GREM1: variants seen among roughly 807,000 people sequenced by gnomAD.
GREM1 encodes the protein gremlin 1, DAN family BMP antagonist.
GREM1 carries 6 observed loss-of-function variants against 13.1 expected under a neutral mutation model. The ratio of observed to expected loss-of-function variants is 0.46; its 90% CI spans 0.25 to 0.91. The LOEUF is 0.91. Ranked by LOEUF, GREM1 falls within the 40% of genes least tolerant of loss-of-function variation. The probability of loss-of-function intolerance (pLI) is 0.18; values close to 1 mark genes in which losing one functional copy is unlikely to be tolerated. For synonymous variants in GREM1, 98 were observed against 93.7 expected, an observed-to-expected ratio of 1.05 and a Z score of -0.27; for missense variants, 185 against 233.9, an observed-to-expected ratio of 0.79 and a Z score of 1.36.
At chr15:32,726,541 C>T (rs145698217) in intron 1 of GREM1, among the ~76,000 whole-genome samples, 150 of 152,150 alleles carry the variant, frequency 9.9e-4, no homozygotes, top group African/African-American at 3.4e-3. Context: ...CAGGAGAAAG[C>T]GGGACAGATC....
In GREM1 at chr15:32,734,953, G is replaced by A. The variant is rs1273819614; in HGVS notation, c.*3708G>A. The A allele has an allele frequency of 1.3e-5, 2 of 157,684 alleles. No homozygotes were observed. The highest frequency in any genetic ancestry group is 2.8e-5 in the Non-Finnish European group (2 of 71,280). 9.8% of individuals were successfully genotyped at this position (157,684 alleles called of 1,614,324 possible). A position where few individuals can be genotyped will look rare whatever the true frequency, so the allele number is the denominator to read the frequency against. On this transcript the variant is annotated 3_prime_UTR_variant, in exon 2 of 2. Coordinates refer to ENST00000651154, the MANE Select transcript of GREM1 (RefSeq NM_013372.7). Reference sequence around the variant, plus strand: ...TTATAAGGGAGGCCCTGAGATGGAAGGACCATCACACAGAAATGATAATAT... The same window carrying A: ...TTATAAGGGAGGCCCTGAGATGGAAAGACCATCACACAGAAATGATAATAT...
At position 32,744,216 on chromosome 15, in the gene GREM1, A is replaced by G. The variant is rs1471698586; in HGVS notation, c.*12971A>G. ...AAATTCCATTTTTGGCTTAGCTTCT[A>G]TTGGGTTTCTATCACTTGCAACCAA... is the stretch of plus-strand genomic sequence containing the variant. On this transcript the variant is annotated 3_prime_UTR_variant, in exon 2 of 2. Coordinates refer to ENST00000651154, the MANE Select transcript of GREM1 (RefSeq NM_013372.7). 1 of 151,884 alleles carries G rather than the reference A, an allele frequency of 6.6e-6. No individual in the cohort carries two copies. Among genetic ancestry groups the G allele is most frequent in the Non-Finnish European group, 1.5e-5 (1 of 67,988 alleles). The allele number at this position is 151,884 out of a possible 1,614,324, so 9.4% of individuals were successfully genotyped here.
At position 32,736,310 on chromosome 15, in the gene GREM1, TAAAA is replaced by T. The variant is rs1240632393; in HGVS notation, c.*5067_*5070del. The T allele has an allele frequency of 3.3e-5, 5 of 152,074 alleles. No individual in the cohort carries two copies. In the East Asian group the frequency reaches 9.6e-4, roughly 29 times the overall value. The allele number at this position is 152,074 out of a possible 1,614,324, so 9.4% of individuals were successfully genotyped here. The stretch of plus-strand genomic sequence containing the variant: ...CAGTTGGGGAAAGCAATTGGCTAAA[TAAAA>T]AGCCTAAAAGGAGAAGCTGGAAAAA... On this transcript the variant is annotated 3_prime_UTR_variant, in exon 2 of 2. Transcript: ENST00000651154.
Position 32,734,575 on chromosome 15 carries a change from A to G in GREM1, c.*3330A>G. 4.0e-6 allele frequency: 1 copy of G among 247,052 alleles called. No homozygotes were observed. Among genetic ancestry groups the G allele is most frequent in the Admixed American group, 5.6e-5 (1 of 17,784 alleles). 15.3% of individuals were successfully genotyped at this position (247,052 alleles called of 1,614,324 possible). On this transcript the variant is annotated 3_prime_UTR_variant, in exon 2 of 2. Transcript: ENST00000651154. ...TAAAACTAATTTGGCTTCAAGTTTC[A>G]TGAATCTGTAACTAGAATTTAATTT... is the stretch of plus-strand genomic sequence containing the variant.
Position 32,718,013 on chromosome 15 carries a change from G to T in GREM1, c.-150G>T, listed in dbSNP as rs1450066102. 6.2e-5 allele frequency: 67 copies of T among 1,077,702 alleles called. No homozygotes were observed. Among genetic ancestry groups the T allele is most frequent in the Non-Finnish European group, 7.5e-5 (67 of 887,812 alleles). The allele number at this position is 1,077,702 out of a possible 1,614,324, so 66.8% of individuals were successfully genotyped here. A position where few individuals can be genotyped will look rare whatever the true frequency, so the allele number is the denominator to read the frequency against. ...CGGCGCGATGCCTGGCACTCGGTGC[G>T]CCTTCCGCGGACCGGGCGACCCAGT... On this transcript the variant is annotated 5_prime_UTR_variant, in exon 1 of 2. Transcript: ENST00000651154.
chr15:32,728,153 A>T (rs1370261437), intron 1 of GREM1, among the ~76,000 whole-genome samples: 1 of 152,214 alleles, frequency 6.6e-6, no homozygotes. Flanking sequence ...TTTCATATGG[A>T]ACTGAAAAAA....
At position 32,743,327 on chromosome 15, in the gene GREM1, A is replaced by G. The variant is rs1007126796; in HGVS notation, c.*12082A>G. ...CTTTCCCAGGTATATGGATGAAACT[A>G]TCTGAAGGATGAAGCCTCCATTCAC... is the stretch of plus-strand genomic sequence containing the variant. On this transcript the variant is annotated 3_prime_UTR_variant, in exon 2 of 2. Coordinates refer to ENST00000651154, the MANE Select transcript of GREM1 (RefSeq NM_013372.7). 1.3e-5 allele frequency: 2 copies of G among 152,226 alleles called. No homozygotes were observed. The highest frequency in any genetic ancestry group is 4.8e-5 in the African/African-American group (2 of 41,458). 9.4% of individuals were successfully genotyped at this position (152,226 alleles called of 1,614,324 possible). A position where few individuals can be genotyped will look rare whatever the true frequency, so the allele number is the denominator to read the frequency against.
chr15:32,738,083 CAAAAAAAAAAAAAAAAAAAAAAAA>C lies in GREM1; in HGVS notation c.*6865_*6888del, dbSNP rs67118209. The C allele has an allele frequency of 5.3e-5, 1 of 18,910 alleles. No individual in the cohort carries two copies. The highest frequency in any genetic ancestry group is 6.8e-3 in the South Asian group (1 of 148). 1.2% of individuals were successfully genotyped at this position (18,910 alleles called of 1,614,324 possible). A position where few individuals can be genotyped will look rare whatever the true frequency, so the allele number is the denominator to read the frequency against. ...GGAGGTTCTACCTAGGGTAATTAGG[CAAAAAAAAAAAAAAAAAAAAAAAA>C]AAAAAAAAAAAAAAAAAAAAAAAAA... On this transcript the variant is annotated 3_prime_UTR_variant, in exon 2 of 2. Coordinates refer to ENST00000651154, the MANE Select transcript of GREM1 (RefSeq NM_013372.7).
rs1022754888 is a variant in GREM1, at chr15:32,742,429, T to G, written c.*11184T>G. On this transcript the variant is annotated 3_prime_UTR_variant, in exon 2 of 2. Transcript: ENST00000651154. ...TATTCATGGGTTGTAAGACTTAATA[T>G]TCTTAAAATGCCCATATTACCCAAA... The G allele has an allele frequency of 1.3e-5, 2 of 152,216 alleles. No individual in the cohort carries two copies. Among genetic ancestry groups the G allele is most frequent in the African/African-American group, 4.8e-5 (2 of 41,462 alleles). 9.4% of individuals were successfully genotyped at this position (152,216 alleles called of 1,614,324 possible). A position where few individuals can be genotyped will look rare whatever the true frequency, so the allele number is the denominator to read the frequency against.
At chr15:32,718,661 C>G (rs1413320158) in intron 1 of GREM1, 2 of 361,404 alleles carry the variant, frequency 5.5e-6, no homozygotes, top group Non-Finnish European at 1.1e-5. Context: ...CGGGTTGGAG[C>G]ATCCGGAGAA....
rs536861316 is a variant in GREM1, at chr15:32,740,912, A to C, written c.*9667A>C. The C allele has an allele frequency of 1.1e-4, 16 of 152,206 alleles. No individual in the cohort carries two copies. The highest frequency in any genetic ancestry group is 2.2e-4 in the Non-Finnish European group (15 of 68,036). The allele number at this position is 152,206 out of a possible 1,614,324, so 9.4% of individuals were successfully genotyped here. On this transcript the variant is annotated 3_prime_UTR_variant, in exon 2 of 2. Transcript: ENST00000651154. The stretch of plus-strand genomic sequence containing the variant: ...AAATCAATCATGGTGGCCAAACGGA[A>C]TGAGCATTCTGATTTGCCAGTGTGG...
At chr15:32,723,878 A>G (rs955944449) in intron 1 of GREM1, among the ~76,000 whole-genome samples, 3 of 152,256 alleles carry the variant, frequency 2.0e-5, no homozygotes, top group African/African-American at 7.2e-5. Flanking sequence ...CAAGAAAAAG[A>G]AAGACAAGTC....
rs1309287737 is a variant in GREM1, at chr15:32,736,050, C to CAATT, written c.*4807_*4810dup. On this transcript the variant is annotated 3_prime_UTR_variant, in exon 2 of 2. Transcript: ENST00000651154. ...CAATAGCTTTGAAACCAACAGCCTGCAATTACCATGAAAATCAGCAGTCTG... is the reference window on the plus strand; with the variant it reads ...CAATAGCTTTGAAACCAACAGCCTGCAATTAATTACCATGAAAATCAGCAGTCTG... 3 of 152,204 alleles carry CAATT rather than the reference C, an allele frequency of 2.0e-5. No homozygotes were observed. Among genetic ancestry groups the CAATT allele is most frequent in the African/African-American group, 7.2e-5 (3 of 41,442 alleles). The allele number at this position is 152,204 out of a possible 1,614,324, so 9.4% of individuals were successfully genotyped here.
rs371194430 is a variant in GREM1, at chr15:32,731,062, T to C, written c.372T>C (p.Ser124=). 8.2e-5 allele frequency: 133 copies of C among 1,614,088 alleles called. No homozygotes were observed. Among genetic ancestry groups the C allele is most frequent in the Non-Finnish European group, 1.1e-4 (128 of 1,180,040 alleles). Residue 124 remains serine (S), a synonymous_variant, in exon 2 of 2, where the codon TCT becomes TCC. Coordinates refer to ENST00000651154, the MANE Select transcript of GREM1 (RefSeq NM_013372.7). ...INRFCYGQCN[S]FYIPRHIRKE... is the part of the protein sequence containing the mutation. Reference sequence around the variant, plus strand: ...GCTTCTGTTACGGCCAGTGCAACTCTTTCTACATCCCCAGGCACATCCGGA... The same window carrying C: ...GCTTCTGTTACGGCCAGTGCAACTCCTTCTACATCCCCAGGCACATCCGGA...
In GREM1 at chr15:32,731,097, G is replaced by C; in HGVS notation, c.407G>C (p.Gly136Ala). 3 of 1,614,170 alleles carry C rather than the reference G, an allele frequency of 1.9e-6. No homozygotes were observed. Among genetic ancestry groups the C allele is most frequent in the Non-Finnish European group, 2.5e-6 (3 of 1,180,014 alleles). ...CCCAGGCACATCCGGAAGGAGGAAG[G>C]TTCCTTTCAGTCCTGCTCCTTCTGC... ...YIPRHIRKEE[G>A]SFQSCSFCKP... Residue 136 changes from glycine (G) to alanine (A), a missense_variant, in exon 2 of 2, where the codon GGT becomes GCT. By Grantham distance (60) the Gly-to-Ala change is moderately conservative (BLOSUM62 0). Coordinates refer to ENST00000651154, the MANE Select transcript of GREM1 (RefSeq NM_013372.7).
At chr15:32,720,585 G>C (rs965522328) in intron 1 of GREM1, among the ~76,000 whole-genome samples, 2 of 152,282 alleles carry the variant, frequency 1.3e-5, no homozygotes, top group African/African-American at 4.8e-5. Context: ...TCAGGCAAGT[G>C]CTACCAGCCC....
chr15:32,724,818 T>G (rs1454176426), intron 1 of GREM1, among the ~76,000 whole-genome samples: 3 of 151,770 alleles, frequency 2.0e-5, no homozygotes, highest in Non-Finnish European at 4.4e-5. Flanking sequence ...GCCCCAGTGT[T>G]TGATGTTCCC....
chr15:32,721,528 G>A (rs1316512976), intron 1 of GREM1, among the ~76,000 whole-genome samples: 1 of 152,150 alleles, frequency 6.6e-6, no homozygotes. Flanking sequence ...GACTGAGGCA[G>A]GCGGATCACG....
At position 32,739,136 on chromosome 15, in the gene GREM1, ATATTG is replaced by A. The variant is rs1216909906; in HGVS notation, c.*7895_*7899del. The A allele has an allele frequency of 2.0e-5, 3 of 152,236 alleles. No homozygotes were observed. Among genetic ancestry groups the A allele is most frequent in the Admixed American group, 6.5e-5 (1 of 15,284 alleles). The allele number at this position is 152,236 out of a possible 1,614,324, so 9.4% of individuals were successfully genotyped here. ...ATAATTTCAATTTTCAGATGACATA[ATATTG>A]TATGTAGAAATCCTAAGGAATTTAC... is the stretch of plus-strand genomic sequence containing the variant. On this transcript the variant is annotated 3_prime_UTR_variant, in exon 2 of 2. Coordinates refer to ENST00000651154, the MANE Select transcript of GREM1 (RefSeq NM_013372.7).
Sources: gnomAD v4.1 joint callset for allele counts (sites outside exome capture counted in the v4.1 genomes callset) on GRCh38, gnomAD v4.1.1 for gene constraint, MANE v1.5 for transcripts, NCBI Gene and HGNC (gene_info 2026-07-23, HGNC 2026-07-21) for gene names.